The following S100Z variants were observed in gnomAD, a reference collection of about 807,000 sequenced individuals.
S100Z encodes protein S100-Z.
Under a neutral mutation model 8.5 loss-of-function variants are expected in S100Z, and 11 were observed. The observed-to-expected ratio is 1.30, with a 90% CI of 0.82 to 2.15. The LOEUF is 2.15. Ranked by LOEUF, S100Z falls within the 30% of genes most tolerant of loss-of-function variation. The pLI is 0.00. For synonymous variants in S100Z, 34 were observed against 43.8 expected, an observed-to-expected ratio of 0.78 and a Z score of 0.89; for missense variants, 126 against 117.9, an observed-to-expected ratio of 1.07 and a Z score of -0.32.
chr5:76,876,812 G>A (rs1011202014), intron 3 of S100Z, among the ~76,000 whole-genome samples: 1 of 152,146 alleles, frequency 6.6e-6, no homozygotes, highest in Admixed American at 6.6e-5. Flanking sequence ...ACCATTTAAT[G>A]GTTAGCAGAA....
intron 4 of S100Z, among the ~76,000 whole-genome samples, chr5:76,902,475 A>G (rs1744261737): frequency 6.6e-6 from 1 of 152,078 alleles, no homozygotes; most frequent in Non-Finnish European, 1.5e-5. Context: ...TGCAACACAC[A>G]CTGCTGCCAG....
the S100Z span, among the ~76,000 whole-genome samples, chr5:76,939,960 C>G: frequency 6.6e-6 from 1 of 151,730 alleles, no homozygotes; most frequent in Non-Finnish European, 1.5e-5. Flanking sequence ...GAGATCGAGA[C>G]CATTCTGACC....
intron 4 of S100Z, among the ~76,000 whole-genome samples, chr5:76,906,613 G>GT (rs1295599571): frequency 2.0e-5 from 3 of 148,180 alleles, no homozygotes; most frequent in East Asian, 2.0e-4. Flanking sequence ...CAATTTCCGT[G>GT]TTTTTTGTTG....
intron 3 of S100Z, among the ~76,000 whole-genome samples, chr5:76,876,417 G>A (rs547605126): frequency 2.2e-4 from 33 of 150,572 alleles, no homozygotes; most frequent in Admixed American, 1.5e-3. Context: ...CTCCTAGGCC[G>A]GAGTGCAGTG....
intron 1 of S100Z, among the ~76,000 whole-genome samples, chr5:76,851,136 A>G (rs1388107726): frequency 6.6e-6 from 1 of 152,176 alleles, no homozygotes; most frequent in East Asian, 1.9e-4. Context: ...CCAGAGGCGG[A>G]GTGCTCCCAG....
At chr5:76,890,403 C>T (rs77639764) in intron 4 of S100Z, among the ~76,000 whole-genome samples, 2,186 of 152,134 alleles carry the variant, frequency 0.014, 60 homozygotes, top group African/African-American at 0.049. Context: ...GAGGCAGAGG[C>T]TTGAGTCAAG....
rs148790773 is a variant in S100Z, at chr5:76,866,542, A to G, written c.-175-3624A>G. 2.6e-3 allele frequency among the ~76,000 whole-genome samples: 395 copies of G among 152,108 alleles called. 1 individual carries two copies. The highest frequency in any genetic ancestry group is 8.9e-3 in the African/African-American group (369 of 41,508). Reference sequence around the variant, plus strand: ...AGCAACTTCCAGTCCTGCAGCCTCCACTCATGGTAAGTGTCCTATAAAGGT... The same window carrying G: ...AGCAACTTCCAGTCCTGCAGCCTCCGCTCATGGTAAGTGTCCTATAAAGGT... On this transcript the variant is annotated intron_variant, in intron 1 of 4. Coordinates refer to ENST00000317593, the MANE Select transcript of S100Z (RefSeq NM_130772.4).
intron 1 of S100Z, among the ~76,000 whole-genome samples, chr5:76,865,238 C>CTATTTT (rs1491513943): frequency 9.0e-6 from 1 of 110,652 alleles, no homozygotes; most frequent in Non-Finnish European, 1.8e-5. Flanking sequence ...TGTGTCCTAG[C>CTATTTT]TCTTTTTTTT....
chr5:76,928,733 C>G, the S100Z span, among the ~76,000 whole-genome samples: 2 of 152,132 alleles, frequency 1.3e-5, no homozygotes. Flanking sequence ...ATTTGGCTGT[C>G]TCTTTTTGTT....
At chr5:76,893,632 C>T (rs187958870) in intron 4 of S100Z, among the ~76,000 whole-genome samples, 197 of 152,240 alleles carry the variant, frequency 1.3e-3, no homozygotes, top group African/African-American at 4.7e-3. Context: ...TTCGGTGCCT[C>T]CAGGGAAACT....
At position 76,896,737 on chromosome 5, in the gene S100Z, G is replaced by A. The variant is rs560237186; in HGVS notation, c.*2+18903G>A. On this transcript the variant is annotated intron_variant, in intron 4 of 4. Transcript: ENST00000317593. ...TTTTGGATATAAGTAATTTTAACCCGGGGTGAGATAATATCTCATTGTAGC... is the reference window on the plus strand; with the variant it reads ...TTTTGGATATAAGTAATTTTAACCCAGGGTGAGATAATATCTCATTGTAGC... Among the ~76,000 whole-genome samples the A allele has an allele frequency of 5.9e-5, 9 of 152,276 alleles. No individual in the cohort carries two copies. The South Asian group carries it at 8.3e-4, about 14-fold the overall frequency.
rs115527682 is a variant in S100Z, at chr5:76,915,810, C to T, written c.*3-4907C>T. On this transcript the variant is annotated intron_variant, in intron 4 of 4. Coordinates refer to ENST00000317593, the MANE Select transcript of S100Z (RefSeq NM_130772.4). ...AAGAAACTCACATCAAATACAATAA[C>T]GTATGTTGAAAGTAAAAGGACAAAA... Among the ~76,000 whole-genome samples the T allele has an allele frequency of 6.8e-3, 1,034 of 151,990 alleles. 10 individuals are homozygous for T. The highest frequency in any genetic ancestry group is 0.023 in the African/African-American group (943 of 41,466).
chr5:76,857,307 A>G (rs1462204703), intron 1 of S100Z, among the ~76,000 whole-genome samples: 5 of 152,154 alleles, frequency 3.3e-5, no homozygotes, highest in Non-Finnish European at 7.4e-5. Context: ...AAGAAGAAAG[A>G]AAAGTCACAG....
At chr5:76,893,876 G>T (rs1266658343) in intron 4 of S100Z, among the ~76,000 whole-genome samples, 1 of 152,046 alleles carries the variant, frequency 6.6e-6, no homozygotes, top group Non-Finnish European at 1.5e-5. Context: ...GCAAATCTTG[G>T]ATTGTGTTCT....
chr5:76,898,548 C>G (rs937767543), intron 4 of S100Z, among the ~76,000 whole-genome samples: 7 of 152,148 alleles, frequency 4.6e-5, no homozygotes, highest in Admixed American at 1.3e-4. Flanking sequence ...TTTTCAGCAT[C>G]AACTGAAATG....
At chr5:76,853,077 G>C (rs1264284777) in intron 1 of S100Z, among the ~76,000 whole-genome samples, 16 of 152,152 alleles carry the variant, frequency 1.1e-4, no homozygotes, top group Non-Finnish European at 1.5e-5. Flanking sequence ...GCTTCAAGCA[G>C]CATTTCCCTT....
the S100Z span, among the ~76,000 whole-genome samples, chr5:76,947,832 C>T: frequency 1.9e-3 from 289 of 152,214 alleles, no homozygotes; most frequent in Non-Finnish European, 3.3e-3. Context: ...TAAAATTGAA[C>T]CTTTACCTTA....
chr5:76,928,543 A>G, the S100Z span, among the ~76,000 whole-genome samples: 1 of 152,182 alleles, frequency 6.6e-6, no homozygotes, highest in Non-Finnish European at 1.5e-5. Flanking sequence ...GCATTATGGT[A>G]CAGAAAGTAG....
intron 4 of S100Z, among the ~76,000 whole-genome samples, chr5:76,904,881 CAT>C (rs1417109373): frequency 6.6e-6 from 1 of 152,054 alleles, no homozygotes. Context: ...TTTTGTAGAA[CAT>C]AAATTTTTAA....
Sources: allele counts gnomAD v4.1 joint callset (sites outside exome capture counted in the v4.1 genomes callset), GRCh38; gene constraint gnomAD v4.1.1; transcripts MANE v1.5; gene names NCBI Gene and HGNC (gene_info 2026-07-23, HGNC 2026-07-21).